Variants in FARS2 observed in about 807,000 individuals in gnomAD.
The protein encoded by FARS2 is phenylalanyl-tRNA synthetase 2, mitochondrial, also known as phenylalanine--tRNA ligase, mitochondrial.
In FARS2, 40 loss-of-function variants were observed where a neutral mutation model predicts 46.4. That is an observed-to-expected ratio of 0.86 (90% CI 0.67 to 1.12). The LOEUF (loss-of-function observed/expected upper bound fraction) is 1.12, where lower values mean the gene tolerates loss of function less well. Among genes scored for constraint, FARS2 ranks in the 50% most tolerant of loss-of-function variants. The pLI is 0.00. For missense variants in FARS2, 513 were observed against 567.9 expected (o/e 0.90, Z 0.98); for synonymous variants, 234 against 214.9 (o/e 1.09, Z -0.78).
At chr6:5,567,850 T>G (rs9392698) in intron 5 of FARS2, among the ~76,000 whole-genome samples, 141 of 152,256 alleles carry the variant, frequency 9.3e-4, no homozygotes, top group African/African-American at 3.3e-3. Flanking sequence ...CTCACCTGAC[T>G]GTTCTGTCAC....
the FARS2 span, among the ~76,000 whole-genome samples, chr6:5,255,186 C>T: frequency 6.6e-6 from 1 of 152,152 alleles, no homozygotes; most frequent in African/African-American, 2.4e-5. Context: ...GGGACCATGG[C>T]GGGGGTCTCT....
At chr6:5,572,605 C>T (rs1185679031) in intron 5 of FARS2, among the ~76,000 whole-genome samples, 1 of 152,090 alleles carries the variant, frequency 6.6e-6, no homozygotes, top group Admixed American at 6.5e-5. Flanking sequence ...CCTTGCCCAC[C>T]TCCCCACCCC....
chr6:5,666,449 A>T (rs1026691996), intron 6 of FARS2, among the ~76,000 whole-genome samples: 8 of 152,186 alleles, frequency 5.3e-5, no homozygotes, highest in African/African-American at 1.9e-4. Context: ...ACTATAGAAG[A>T]ACTACACAGT....
intron 6 of FARS2, among the ~76,000 whole-genome samples, chr6:5,708,947 TA>T (rs1300747014): frequency 2.0e-5 from 3 of 152,146 alleles, no homozygotes; most frequent in African/African-American, 7.2e-5. Flanking sequence ...TTTCCCTTCT[TA>T]AAGATGAATA....
At chr6:5,601,722 A>G (rs1774531107) in intron 5 of FARS2, among the ~76,000 whole-genome samples, 1 of 152,106 alleles carries the variant, frequency 6.6e-6, no homozygotes, top group Admixed American at 6.6e-5. Flanking sequence ...AATGGTGGCT[A>G]TCTCGTGGAG....
At chr6:5,329,421 T>C (rs1041837466) in intron 1 of FARS2, among the ~76,000 whole-genome samples, 1 of 152,174 alleles carries the variant, frequency 6.6e-6, no homozygotes, top group Non-Finnish European at 1.5e-5. Flanking sequence ...TTTTTTGTTT[T>C]GTTTTGTTTT....
At chr6:5,523,279 A>G (rs1262828485) in intron 4 of FARS2, among the ~76,000 whole-genome samples, 2 of 152,234 alleles carry the variant, frequency 1.3e-5, no homozygotes, top group East Asian at 3.9e-4. Flanking sequence ...ACGGGCATAG[A>G]AGCTTGAGGT....
chr6:5,361,775 G>T (rs1758319223), intron 1 of FARS2, among the ~76,000 whole-genome samples: 1 of 152,110 alleles, frequency 6.6e-6, no homozygotes, highest in Non-Finnish European at 1.5e-5. Context: ...TTTGTCTAGT[G>T]GTGACCATAT....
intron 4 of FARS2, among the ~76,000 whole-genome samples, chr6:5,459,827 C>T (rs1379132718): frequency 6.6e-6 from 1 of 152,142 alleles, no homozygotes; most frequent in East Asian, 1.9e-4. Flanking sequence ...CTGCCAGTTT[C>T]AACTGTTTGA....
intron 1 of FARS2, among the ~76,000 whole-genome samples, chr6:5,306,855 T>A (rs898534042): frequency 6.6e-6 from 1 of 152,150 alleles, no homozygotes; most frequent in Non-Finnish European, 1.5e-5. Context: ...TCCTACAGCA[T>A]GCTGAGGTGG....
intron 4 of FARS2, among the ~76,000 whole-genome samples, chr6:5,540,754 G>A (rs1162621502): frequency 3.3e-5 from 5 of 152,226 alleles, no homozygotes; most frequent in East Asian, 3.8e-4. Flanking sequence ...TATGTACAGC[G>A]TGTTTGTCAC....
intron 6 of FARS2, among the ~76,000 whole-genome samples, chr6:5,616,034 A>C (rs1354123851): frequency 6.7e-6 from 1 of 148,770 alleles, no homozygotes; most frequent in East Asian, 1.9e-4. Flanking sequence ...AAAAAAAAAA[A>C]ACAACGAAAC....
intron 4 of FARS2, among the ~76,000 whole-genome samples, chr6:5,440,942 GAC>G (rs1439937705): frequency 2.1e-5 from 3 of 146,246 alleles, no homozygotes; most frequent in Non-Finnish European, 4.5e-5. Flanking sequence ...TCTTTTTTGA[GAC>G]AGAGTCTCTC....
intron 1 of FARS2, among the ~76,000 whole-genome samples, chr6:5,361,531 C>T (rs991366747): frequency 6.6e-6 from 1 of 152,198 alleles, no homozygotes; most frequent in Non-Finnish European, 1.5e-5. Context: ...ACGAGTAATG[C>T]AGGAAACTGC....
chr6:5,605,644 T>G (rs1440342009), intron 5 of FARS2, among the ~76,000 whole-genome samples: 2 of 152,134 alleles, frequency 1.3e-5, no homozygotes, highest in Admixed American at 6.5e-5. Context: ...CCACCCAAAT[T>G]CCATGCCACG....
intron 6 of FARS2, among the ~76,000 whole-genome samples, chr6:5,667,483 A>G (rs1264865650): frequency 6.6e-6 from 1 of 151,722 alleles, no homozygotes; most frequent in Non-Finnish European, 1.5e-5. Context: ...ACGCCACTGC[A>G]CTCCAGCCTG....
intron 6 of FARS2, among the ~76,000 whole-genome samples, chr6:5,641,444 C>T (rs955559989): frequency 4.6e-5 from 7 of 152,052 alleles, no homozygotes; most frequent in African/African-American, 1.7e-4. Flanking sequence ...TTACAGGTGC[C>T]CACCACCACG....
intron 1 of FARS2, among the ~76,000 whole-genome samples, chr6:5,322,566 T>G (rs1770057270): frequency 6.6e-6 from 1 of 152,212 alleles, no homozygotes; most frequent in South Asian, 2.1e-4. Flanking sequence ...TGTATTCTTT[T>G]TCTTTTTTTG....
intron 1 of FARS2, among the ~76,000 whole-genome samples, chr6:5,276,157 A>C (rs1338286553): frequency 1.3e-5 from 2 of 152,142 alleles, no homozygotes; most frequent in Non-Finnish European, 2.9e-5. Flanking sequence ...CTTTAAAATA[A>C]ATTTTTTAGT....
Sources: allele counts gnomAD v4.1 joint callset (sites outside exome capture counted in the v4.1 genomes callset), GRCh38; gene constraint gnomAD v4.1.1; transcripts MANE v1.5; gene names NCBI Gene and HGNC (gene_info 2026-07-23, HGNC 2026-07-21).